Variants in COL28A1 observed in about 807,000 individuals in gnomAD.
COL28A1 encodes the protein collagen alpha-1(XXVIII) chain.
COL28A1 carries 161 observed loss-of-function variants against 150.2 expected under a neutral mutation model. The observed-to-expected ratio is 1.07, with a 90% CI of 0.94 to 1.22. The LOEUF is 1.22. COL28A1 is among the 50% of genes most tolerant of loss of function. COL28A1 has a pLI of 0.00. For synonymous variants in COL28A1, 552 were observed against 469.7 expected (o/e 1.18, Z -2.26); for missense variants, 1,617 against 1,388.3 (o/e 1.16, Z -2.62).
At chr7:7,394,181 G>C (rs562534703) in intron 27 of COL28A1, among the ~76,000 whole-genome samples, 1 of 152,260 alleles carries the variant, frequency 6.6e-6, no homozygotes, top group African/African-American at 2.4e-5. Flanking sequence ...CCCTTGGCTA[G>C]GGGAGGGAGT....
At chr7:7,472,137 C>T (rs1031236368) in intron 15 of COL28A1, among the ~76,000 whole-genome samples, 3 of 152,086 alleles carry the variant, frequency 2.0e-5, no homozygotes, top group Non-Finnish European at 2.9e-5. Flanking sequence ...ACTCTCACCA[C>T]CCCTCTGACA....
At chr7:7,478,277 A>G (rs1789091269) in intron 13 of COL28A1, among the ~76,000 whole-genome samples, 1 of 151,720 alleles carries the variant, frequency 6.6e-6, no homozygotes, top group Non-Finnish European at 1.5e-5. Context: ...GCTAGACATA[A>G]AGATGCTCCA....
chr7:7,501,265 T>A (rs1267293780), intron 11 of COL28A1, among the ~76,000 whole-genome samples: 1 of 152,188 alleles, frequency 6.6e-6, no homozygotes, highest in Non-Finnish European at 1.5e-5. Context: ...AGGGAGGCAA[T>A]TCATTTTTTA....
In COL28A1 at chr7:7,370,897, G is replaced by T. The variant is rs779779017; in HGVS notation, c.2909-15C>A. ...CTTCAGGGTGTCTTTTAAAAAAGAA[G>T]TAGAAAAGAGAGATAGTAGAAGCAA... On this transcript the variant is annotated splice_polypyrimidine_tract_variant and intron_variant, in intron 32 of 34. Transcript: ENST00000399429. The T allele has an allele frequency of 5.1e-6, 8 of 1,558,972 alleles. No homozygotes were observed. In the Admixed American group the frequency reaches 1.2e-4, roughly 23 times the overall value.
At chr7:7,417,288 T>C (rs577312255) in intron 27 of COL28A1, among the ~76,000 whole-genome samples, 2 of 151,548 alleles carry the variant, frequency 1.3e-5, no homozygotes, top group African/African-American at 4.8e-5. Context: ...GGGCCTAGAA[T>C]AGAGGTTCTC....
At chr7:7,378,731 G>C (rs1487054750) in intron 30 of COL28A1, among the ~76,000 whole-genome samples, 1 of 152,148 alleles carries the variant, frequency 6.6e-6, no homozygotes, top group African/African-American at 2.4e-5. Context: ...AGATGACTTT[G>C]GGCGTAATGT....
intron 8 of COL28A1, among the ~76,000 whole-genome samples, chr7:7,514,180 G>A (rs1583545560): frequency 6.6e-6 from 1 of 152,120 alleles, no homozygotes; most frequent in South Asian, 2.1e-4. Context: ...ATGGAGGAGG[G>A]GGCCACCCAC....
In COL28A1 at chr7:7,373,198, G is replaced by A. The variant is rs116046691; in HGVS notation, c.2708C>T (p.Thr903Ile). 1.9e-6 allele frequency: 3 copies of A among 1,614,138 alleles called. No individual in the cohort carries two copies. The highest frequency in any genetic ancestry group is 2.2e-5 in the East Asian group (1 of 44,888). Residue 903 changes from threonine (T) to isoleucine (I), a missense_variant, in exon 32 of 35, where the codon ACT becomes ATT. Transcript: ENST00000399429. This position sits in a 1 kb window ranked among gnomAD's most constrained non-coding sequence, Gnocchi z 4.1. Reference protein sequence around the residue: ...PGVKKVALVITDGQTDSRDKE... With the variant: ...PGVKKVALVIIDGQTDSRDKE... ...ATCACGAGAATCTGTCTGTCCATCA[G>A]TGATGACCAAGGCCACTTTTTTTAC...
intron 27 of COL28A1, among the ~76,000 whole-genome samples, chr7:7,405,576 T>C (rs1299932277): frequency 6.6e-6 from 1 of 152,160 alleles, no homozygotes; most frequent in Non-Finnish European, 1.5e-5. Context: ...TAAAGTCTTA[T>C]AAAAGCTCAC....
At chr7:7,461,354 G>C (rs549823004) in intron 15 of COL28A1, among the ~76,000 whole-genome samples, 1 of 152,330 alleles carries the variant, frequency 6.6e-6, no homozygotes, top group Non-Finnish European at 1.5e-5. Context: ...ACTGAATTCT[G>C]TAATAATTTC....
At chr7:7,424,195 C>T (rs913381526) in intron 25 of COL28A1, among the ~76,000 whole-genome samples, 1 of 152,090 alleles carries the variant, frequency 6.6e-6, no homozygotes, top group Non-Finnish European at 1.5e-5. Context: ...GAGAGTTGTT[C>T]CTCAGTGTAT....
chr7:7,375,993 G>A (rs564587844), intron 30 of COL28A1, among the ~76,000 whole-genome samples: 1 of 152,236 alleles, frequency 6.6e-6, no homozygotes, highest in African/African-American at 2.4e-5. Context: ...ACTAGTTCCT[G>A]ATTTTTCAAG....
At chr7:7,428,688 C>A (rs1784774474) in intron 25 of COL28A1, among the ~76,000 whole-genome samples, 1 of 152,188 alleles carries the variant, frequency 6.6e-6, no homozygotes, top group African/African-American at 2.4e-5. Flanking sequence ...GAGATTGGAT[C>A]CAGGAGTGAG....
At chr7:7,543,826 T>A in the COL28A1 span, among the ~76,000 whole-genome samples, 2 of 149,834 alleles carry the variant, frequency 1.3e-5, no homozygotes, top group Non-Finnish European at 3.0e-5. Flanking sequence ...GCTCAAAAAA[T>A]TTCTGGAAAT....
At chr7:7,342,897 C>CT in the COL28A1 span, among the ~76,000 whole-genome samples, 42 of 151,676 alleles carry the variant, frequency 2.8e-4, no homozygotes, top group Non-Finnish European at 3.5e-4. Context: ...CTAAAGAATC[C>CT]TTTTTTTTAT....
intron 18 of COL28A1, among the ~76,000 whole-genome samples, chr7:7,447,477 G>A (rs1006076117): frequency 3.3e-5 from 5 of 151,576 alleles, no homozygotes; most frequent in Non-Finnish European, 5.9e-5. Context: ...CAAAAAGGCT[G>A]AAAAATATAG....
At chr7:7,465,448 G>A (rs964440515) in intron 15 of COL28A1, among the ~76,000 whole-genome samples, 1 of 139,350 alleles carries the variant, frequency 7.2e-6, no homozygotes, top group Admixed American at 7.3e-5. Flanking sequence ...TGGCTCAGAG[G>A]GTCCTACGCC....
intron 13 of COL28A1, among the ~76,000 whole-genome samples, chr7:7,481,055 G>T (rs2128359747): frequency 6.6e-6 from 1 of 152,306 alleles, no homozygotes; most frequent in African/African-American, 2.4e-5. Flanking sequence ...TCCTGTAATT[G>T]CTAAGAATGT....
At chr7:7,542,083 C>T in the COL28A1 span, among the ~76,000 whole-genome samples, 4 of 152,216 alleles carry the variant, frequency 2.6e-5, no homozygotes, top group East Asian at 7.7e-4. Context: ...GGTGCGGTGG[C>T]TCACGCCTGT....
Sources: allele counts gnomAD v4.1 joint callset (sites outside exome capture counted in the v4.1 genomes callset), GRCh38; gene constraint gnomAD v4.1.1; non-coding constraint Gnocchi (gnomAD v3.1); transcripts MANE v1.5; gene names NCBI Gene and HGNC (gene_info 2026-07-23, HGNC 2026-07-21).